GATA4: variants seen among roughly 807,000 people sequenced by gnomAD.
The protein encoded by GATA4 is GATA binding protein 4.
Under a neutral mutation model 37.9 loss-of-function variants are expected in GATA4, and 7 were observed. That is an observed-to-expected ratio of 0.18 (90% confidence interval 0.11 to 0.35). The LOEUF (loss-of-function observed/expected upper bound fraction) is 0.35, where lower values mean the gene tolerates loss of function less well. Ranked by LOEUF, GATA4 falls within the 10% of genes least tolerant of loss-of-function variation. The probability of loss-of-function intolerance (pLI) is 1.00; values close to 1 mark genes in which losing one functional copy is unlikely to be tolerated. For missense variants in GATA4, 647 were observed against 653.0 expected (o/e 0.99, Z 0.10); for synonymous variants, 372 against 292.6 (o/e 1.27, Z -2.77).
At chr8:11,753,861 A>G (rs576945224) in intron 4 of GATA4, among the ~76,000 whole-genome samples, 3 of 152,194 alleles carry the variant, frequency 2.0e-5, no homozygotes, top group Admixed American at 2.0e-4. Context: ...CAAGCACAGC[A>G]TAGAAAAGGG....
chr8:11,712,010 C>G (rs968978097), intron 2 of GATA4, among the ~76,000 whole-genome samples: 2 of 152,108 alleles, frequency 1.3e-5, no homozygotes, highest in Non-Finnish European at 2.9e-5. Flanking sequence ...GTTCCAGGAG[C>G]CTCGTGTCAT....
chr8:11,751,801 T>C (rs1446275305), intron 4 of GATA4, among the ~76,000 whole-genome samples: 2 of 152,312 alleles, frequency 1.3e-5, no homozygotes, highest in South Asian at 2.1e-4. Context: ...AAAATTAAAG[T>C]GTTTGCTGCT....
chr8:11,679,195 C>T (rs1798875522), intron 1 of GATA4, among the ~76,000 whole-genome samples: 1 of 144,848 alleles, frequency 6.9e-6, no homozygotes, highest in Non-Finnish European at 1.5e-5. Flanking sequence ...GGGGCACTTT[C>T]GCCTGAATTA....
At position 11,708,910 on chromosome 8, in the gene GATA4, G is replaced by A; in HGVS notation, c.598G>A (p.Ala200Thr). 6.5e-7 allele frequency: 1 copy of A among 1,527,260 alleles called. No homozygotes were observed. Among genetic ancestry groups the A allele is most frequent in the Non-Finnish European group, 8.7e-7 (1 of 1,143,518 alleles). The allele number at this position is 1,527,260 out of a possible 1,614,324, so 94.6% of individuals were successfully genotyped here. ...CCTGCCCGGCCGGGCCAACCCGGCC[G>A]CCCGACACCCCAATCTCGGTGAGTA... ...HSLPGRANPA[A>T]RHPNLVDMFD... The change falls in exon 2 of 7, where the codon GCC (alanine) becomes ACC (threonine). Residue 200 changes from alanine to threonine, a missense_variant. Coordinates refer to ENST00000532059, the MANE Select transcript of GATA4 (RefSeq NM_001308093.3). This position sits in a 1 kb window ranked among gnomAD's most constrained non-coding sequence, Gnocchi z 6.7.
At chr8:11,737,030 A>G (rs967538615) in intron 2 of GATA4, among the ~76,000 whole-genome samples, 2 of 151,988 alleles carry the variant, frequency 1.3e-5, no homozygotes, top group African/African-American at 2.4e-5. Flanking sequence ...CTTAGACTCC[A>G]TATTTCATGC....
intron 5 of GATA4, chr8:11,756,588 T>G (rs771544675): frequency 1.4e-4 from 53 of 381,798 alleles, no homozygotes; most frequent in Non-Finnish European, 2.4e-4. Flanking sequence ...GATATTATTG[T>G]ATTTCATTAT....
chr8:11,739,345 C>G (rs1259736579), intron 2 of GATA4, among the ~76,000 whole-genome samples: 2 of 152,138 alleles, frequency 1.3e-5, no homozygotes, highest in African/African-American at 4.8e-5. Context: ...TTGGTTGTTT[C>G]CAGTATTTGG....
chr8:11,734,851 A>C (rs1801382316), intron 2 of GATA4, among the ~76,000 whole-genome samples: 1 of 152,112 alleles, frequency 6.6e-6, no homozygotes, highest in Non-Finnish European at 1.5e-5. Context: ...TGGCCTGTTC[A>C]CCTCCCAAAT....
chr8:11,702,138 C>G, upstream of GATA4, among the ~76,000 whole-genome samples: 1 of 152,214 alleles, frequency 6.6e-6, no homozygotes, highest in East Asian at 1.9e-4. This position sits in a 1 kb window ranked among gnomAD's most constrained non-coding sequence, Gnocchi z 4.4. Context: ...GCAGCCCATC[C>G]CGCACTACTA....
intron 2 of GATA4, among the ~76,000 whole-genome samples, chr8:11,719,176 A>G (rs985794088): frequency 2.0e-5 from 3 of 149,362 alleles, no homozygotes; most frequent in Non-Finnish European, 4.4e-5. Flanking sequence ...CTTTTCAGAT[A>G]TTTTATCAGG....
intron 2 of GATA4, among the ~76,000 whole-genome samples, chr8:11,721,435 T>C (rs1800672280): frequency 1.3e-5 from 2 of 151,190 alleles, no homozygotes; most frequent in African/African-American, 4.9e-5. Flanking sequence ...TATAGCGCTT[T>C]GGTTATGGTA....
intron 2 of GATA4, among the ~76,000 whole-genome samples, chr8:11,734,520 C>G (rs912990202): frequency 6.6e-6 from 1 of 152,124 alleles, no homozygotes; most frequent in African/African-American, 2.4e-5. Context: ...GAGTTTTGCT[C>G]TTGTTGCCCA....
chr8:11,755,652 G>A (rs1257235369), intron 5 of GATA4, among the ~76,000 whole-genome samples: 1 of 152,194 alleles, frequency 6.6e-6, no homozygotes, highest in Non-Finnish European at 1.5e-5. Context: ...ATGAGAACCA[G>A]TTTATGACCC....
At chr8:11,691,129 G>A (rs1360313972), upstream of GATA4, among the ~76,000 whole-genome samples, 1 of 152,210 alleles carries the variant, frequency 6.6e-6, no homozygotes, top group Non-Finnish European at 1.5e-5. Context: ...GCTGTGCCTG[G>A]CATATAGCAA....
upstream of GATA4, among the ~76,000 whole-genome samples, chr8:11,699,441 A>G (rs969234114): frequency 1.3e-5 from 2 of 152,192 alleles, no homozygotes; most frequent in African/African-American, 4.8e-5. Flanking sequence ...ACAGACTCAA[A>G]GAACCTCCAG....
At chr8:11,722,024 AT>A (rs1189684230) in intron 2 of GATA4, among the ~76,000 whole-genome samples, 1 of 152,044 alleles carries the variant, frequency 6.6e-6, no homozygotes, top group Non-Finnish European at 1.5e-5. Context: ...GTTAAAAAAC[AT>A]TTTTTTGAGA....
intron 1 of GATA4, among the ~76,000 whole-genome samples, chr8:11,684,104 C>T (rs1335922007): frequency 3.3e-5 from 5 of 152,238 alleles, no homozygotes; most frequent in African/African-American, 1.2e-4. Flanking sequence ...CCATGGCTCC[C>T]TTCAGCCTTG....
chr8:11,724,184 G>A (rs1355976100), intron 2 of GATA4, among the ~76,000 whole-genome samples: 3 of 151,972 alleles, frequency 2.0e-5, no homozygotes, highest in African/African-American at 4.8e-5. Context: ...TGTATGGATC[G>A]ATACTGTATT....
intron 2 of GATA4, among the ~76,000 whole-genome samples, chr8:11,714,499 G>C (rs1316535349): frequency 6.6e-6 from 1 of 152,172 alleles, no homozygotes; most frequent in East Asian, 1.9e-4. Context: ...ATGATTTGTC[G>C]ATCTTCAGGA....
Sources: allele counts gnomAD v4.1 joint callset (sites outside exome capture counted in the v4.1 genomes callset), GRCh38; gene constraint gnomAD v4.1.1; non-coding constraint Gnocchi (gnomAD v3.1); transcripts MANE v1.5; gene names NCBI Gene and HGNC (gene_info 2026-07-23, HGNC 2026-07-21).